USP48: variants seen among roughly 807,000 people sequenced by gnomAD.
USP48 encodes the protein ubiquitin specific peptidase 48.
A neutral mutation model predicts 150.7 loss-of-function variants in USP48; 43 were observed. The observed-to-expected ratio is 0.29, with a 90% confidence interval of 0.22 to 0.37. The LOEUF is 0.37. USP48 is among the 10% of genes least tolerant of loss of function. The pLI is 1.00. For synonymous variants in USP48, 396 were observed against 425.9 expected (o/e 0.93, Z 0.86); for missense variants, 813 against 1,249.6 (o/e 0.65, Z 5.27).
intron 8 of USP48, among the ~76,000 whole-genome samples, chr1:21,737,899 A>G (rs2097772015): frequency 1.4e-5 from 2 of 145,414 alleles, no homozygotes; most frequent in Admixed American, 1.4e-4. Context: ...ATCTTTGACA[A>G]TTTTTTTTTT....
intron 9 of USP48, among the ~76,000 whole-genome samples, chr1:21,730,095 C>A (rs990881759): frequency 1.6e-4 from 24 of 152,004 alleles, no homozygotes; most frequent in Admixed American, 7.9e-4. Flanking sequence ...AGAACAACAA[C>A]AAAAAAATCA....
intron 1 of USP48, among the ~76,000 whole-genome samples, chr1:21,770,265 G>A (rs1021949906): frequency 3.3e-5 from 5 of 151,862 alleles, no homozygotes; most frequent in African/African-American, 9.7e-5. Flanking sequence ...CAGAAGGAAT[G>A]ACAATGTATG....
At chr1:21,723,443 G>A (rs935802801) in intron 12 of USP48, among the ~76,000 whole-genome samples, 8 of 151,686 alleles carry the variant, frequency 5.3e-5, no homozygotes, top group African/African-American at 1.9e-4. Flanking sequence ...GAACCCAGGA[G>A]GCGAAGGTTG....
Position 21,679,340 on chromosome 1 carries a change from C to T in USP48, c.*77G>A. On this transcript the variant is annotated 3_prime_UTR_variant, in exon 27 of 27. Coordinates refer to ENST00000308271, the MANE Select transcript of USP48 (RefSeq NM_032236.8). ...GTAATGGTTTAATTCTTAAATCCAC[C>T]TTTGCTTTAATGCCCTAACATGTCA... is the stretch of plus-strand genomic sequence containing the variant. The T allele has an allele frequency of 4.4e-6, 7 of 1,573,246 alleles. No homozygotes were observed. Among genetic ancestry groups the T allele is most frequent in the Non-Finnish European group, 6.1e-6 (7 of 1,143,084 alleles).
intron 1 of USP48, among the ~76,000 whole-genome samples, chr1:21,777,212 C>T (rs969308921): frequency 2.6e-5 from 4 of 151,952 alleles, no homozygotes; most frequent in Non-Finnish European, 5.9e-5. Context: ...GGCTTGAGCC[C>T]CTGGGAGGCA....
At chr1:21,724,409 C>A (rs2097730728) in intron 11 of USP48, 2 of 520,102 alleles carry the variant, frequency 3.8e-6, no homozygotes, top group South Asian at 5.8e-5. Flanking sequence ...GAGCTTTGAT[C>A]AGGACACCCA....
intron 1 of USP48, among the ~76,000 whole-genome samples, chr1:21,781,501 G>A (rs773086934): frequency 6.6e-6 from 1 of 152,128 alleles, no homozygotes; most frequent in Non-Finnish European, 1.5e-5. Flanking sequence ...AATCCCAGAA[G>A]AGGTGGGCAG....
intron 1 of USP48, among the ~76,000 whole-genome samples, chr1:21,762,597 G>A (rs1410144368): frequency 3.3e-5 from 5 of 152,322 alleles, no homozygotes; most frequent in African/African-American, 7.2e-5. Flanking sequence ...GCCGGGCGCG[G>A]TGGCTCACGC....
chr1:21,697,223 TGAG>T (rs1323214950), intron 22 of USP48, among the ~76,000 whole-genome samples: 1 of 151,666 alleles, frequency 6.6e-6, no homozygotes, highest in African/African-American at 2.4e-5. Context: ...AGACACTGCC[TGAG>T]GATAGTTTAG....
intron 1 of USP48, among the ~76,000 whole-genome samples, chr1:21,770,155 C>A: frequency 7.3e-6 from 1 of 137,404 alleles, no homozygotes; most frequent in African/African-American, 2.5e-5. Context: ...AGACCTCGTC[C>A]TCCACCAAAA....
chr1:21,701,589 G>A lies in USP48; in HGVS notation c.2636C>T (p.Ser879Leu), dbSNP rs781242927. 2.0e-5 allele frequency: 33 copies of A among 1,613,410 alleles called. No individual in the cohort carries two copies. In the East Asian group the frequency reaches 4.5e-4, roughly 22 times the overall value. The change falls in exon 22 of 27, where the codon TCG (serine) becomes TTG (leucine). Residue 879 changes from serine to leucine, a missense_variant. Coordinates refer to ENST00000308271, the MANE Select transcript of USP48 (RefSeq NM_032236.8). ...VVDNKKVMKD[S>L]APELNVSSSE... ...ACTACTCACATTCAGTTCCGGAGCC[G>A]AATCCTTCATCACCTGAATGTGCCA...
At chr1:21,711,397 C>T (rs1204593025) in intron 15 of USP48, among the ~76,000 whole-genome samples, 1 of 152,072 alleles carries the variant, frequency 6.6e-6, no homozygotes, top group Non-Finnish European at 1.5e-5. Context: ...TCACTGCCCC[C>T]TCTAGCCACA....
At chr1:21,773,758 G>A (rs764097493) in intron 1 of USP48, among the ~76,000 whole-genome samples, 7 of 152,080 alleles carry the variant, frequency 4.6e-5, no homozygotes, top group East Asian at 3.8e-4. Flanking sequence ...ACTCAAGATC[G>A]ATGCAGAGGG....
At chr1:21,766,358 A>C (rs2097862253) in intron 1 of USP48, among the ~76,000 whole-genome samples, 1 of 152,112 alleles carries the variant, frequency 6.6e-6, no homozygotes. Context: ...GTGACACAGC[A>C]CAAAAAAAAA....
At chr1:21,695,246 A>C (rs755117920) in intron 22 of USP48, 25 bp from the exon 23 acceptor site, 1 of 1,573,742 alleles carries the variant, frequency 6.4e-7, no homozygotes, top group Non-Finnish European at 8.6e-7. Context: ...GGAAATGAAG[A>C]AAGCACTGAA....
At chr1:21,727,382 A>C (rs528775413) in intron 11 of USP48, among the ~76,000 whole-genome samples, 1 of 152,362 alleles carries the variant, frequency 6.6e-6, no homozygotes, top group South Asian at 2.1e-4. Context: ...TTCTAAGAAC[A>C]TAAGGTTCCT....
rs1156333754 is a variant in USP48 at position 21,706,343 on chromosome 1, G to A, written c.2211+124C>T. 2.4e-5 allele frequency: 37 copies of A among 1,517,734 alleles called. No homozygotes were observed. In the East Asian group the frequency reaches 7.9e-4, roughly 32 times the overall value. The allele number at this position is 1,517,734 out of a possible 1,614,324, so 94.0% of individuals were successfully genotyped here. ...AATAGCAGGCTGGAGTAAATCCCCT[G>A]GTTAGATAACTAAACAAATGAGAAT... On this transcript the variant is annotated intron_variant, in intron 17 of 26. Transcript: ENST00000308271.
At position 21,757,108 on chromosome 1, in the gene USP48, A is replaced by G. The variant is rs1044748135; in HGVS notation, c.256-406T>C. ...AGAAAACTTCCTTTATATTCTAGAG[A>G]TTTTAAAGATTGGCGGTGGTAGAGG... On this transcript the variant is annotated intron_variant, in intron 2 of 26. Coordinates refer to ENST00000308271, the MANE Select transcript of USP48 (RefSeq NM_032236.8). The G allele has an allele frequency of 8.6e-6, 6 of 698,594 alleles. No homozygotes were observed. In the African/African-American group the frequency reaches 9.7e-5, roughly 11 times the overall value. The allele number at this position is 698,594 out of a possible 1,614,324, so 43.3% of individuals were successfully genotyped here.
At chr1:21,713,970 A>G (rs751041097) in intron 15 of USP48, among the ~76,000 whole-genome samples, 10 of 152,084 alleles carry the variant, frequency 6.6e-5, no homozygotes, top group Admixed American at 3.3e-4. Context: ...AATGCCACTC[A>G]CTTCGCAAGC....
Sources: gnomAD v4.1 joint callset for allele counts (sites outside exome capture counted in the v4.1 genomes callset) on GRCh38, gnomAD v4.1.1 for gene constraint, MANE v1.5 for transcripts, NCBI Gene and HGNC (gene_info 2026-07-23, HGNC 2026-07-21) for gene names.